The following MGLL variants were observed in gnomAD, a reference collection of about 807,000 sequenced individuals.
MGLL encodes monoglyceride lipase, also known as lysophospholipase homolog.
In MGLL, 7 loss-of-function variants were observed where a neutral mutation model predicts 29.1. That is an observed-to-expected ratio of 0.24 (90% CI 0.14 to 0.45). The LOEUF is 0.45. Among genes scored for constraint, MGLL ranks in the 20% least tolerant of loss-of-function variants. The probability of loss-of-function intolerance (pLI) is 0.99; values close to 1 mark genes in which losing one functional copy is unlikely to be tolerated. For synonymous variants in MGLL, 148 were observed against 168.3 expected, an observed-to-expected ratio of 0.88 and a Z score of 0.93; for missense variants, 356 against 413.6, an observed-to-expected ratio of 0.86 and a Z score of 1.21.
chr3:127,745,179 G>C (rs1007743513), intron 3 of MGLL, among the ~76,000 whole-genome samples: 1 of 152,222 alleles, frequency 6.6e-6, no homozygotes, highest in Admixed American at 6.5e-5. Flanking sequence ...TTACTGAGTG[G>C]ATTGCTGAAA....
At chr3:127,779,285 T>G (rs1223850406) in intron 3 of MGLL, among the ~76,000 whole-genome samples, 1 of 152,110 alleles carries the variant, frequency 6.6e-6, no homozygotes, top group Non-Finnish European at 1.5e-5. Context: ...GATAATCGCT[T>G]GAACCCGGGA....
chr3:127,759,546 T>C (rs1388383023), intron 3 of MGLL, among the ~76,000 whole-genome samples: 1 of 152,252 alleles, frequency 6.6e-6, no homozygotes, highest in Non-Finnish European at 1.5e-5. Context: ...GCTGTGGGCA[T>C]GTTCTCATGT....
intron 3 of MGLL, among the ~76,000 whole-genome samples, chr3:127,773,162 T>C (rs969921028): frequency 6.6e-6 from 1 of 152,186 alleles, no homozygotes; most frequent in African/African-American, 2.4e-5. Flanking sequence ...ACTGTGAGGT[T>C]CTGTGCTTGT....
At chr3:127,741,212 G>A (rs2107655020) in intron 3 of MGLL, among the ~76,000 whole-genome samples, 2 of 152,356 alleles carry the variant, frequency 1.3e-5, no homozygotes, top group South Asian at 4.1e-4. Flanking sequence ...TAGCACCTAG[G>A]ATGTGACATC....
intron 3 of MGLL, among the ~76,000 whole-genome samples, chr3:127,734,397 C>T (rs866145286): frequency 6.6e-6 from 1 of 152,210 alleles, no homozygotes; most frequent in Non-Finnish European, 1.5e-5. Context: ...CGCCCACTGC[C>T]TCTCCCATCA....
chr3:127,745,329 A>G (rs1013248910), intron 3 of MGLL, among the ~76,000 whole-genome samples: 1 of 152,266 alleles, frequency 6.6e-6, no homozygotes, highest in Non-Finnish European at 1.5e-5. Flanking sequence ...TGGATAAAGA[A>G]AATGTGGTGC....
intron 2 of MGLL, among the ~76,000 whole-genome samples, chr3:127,796,126 G>C (rs908636436): frequency 6.6e-6 from 1 of 152,144 alleles, no homozygotes; most frequent in African/African-American, 2.4e-5. Context: ...CCCAGAAGTT[G>C]GGAGGTATCT....
At chr3:127,738,795 A>G (rs929834815) in intron 3 of MGLL, among the ~76,000 whole-genome samples, 1 of 152,144 alleles carries the variant, frequency 6.6e-6, no homozygotes, top group Non-Finnish European at 1.5e-5. Flanking sequence ...TGACAGTGTG[A>G]CTGTATAAAG....
rs760581627 is a variant in MGLL at position 127,706,216 on chromosome 3, C to T, written c.600+4360G>A. On this transcript the variant is annotated intron_variant, in intron 6 of 7. Coordinates refer to ENST00000265052, the MANE Select transcript of MGLL (RefSeq NM_007283.7). The stretch of plus-strand genomic sequence containing the variant: ...GAGCTTTGCCCAGGCTATGTTCCCA[C>T]GGAAGCCCAACTGAGCCCACATCTT... 3.9e-5 allele frequency among the ~76,000 whole-genome samples: 6 copies of T among 152,294 alleles called. No homozygotes were observed. The East Asian group carries it at 5.8e-4, about 15-fold the overall frequency.
intron 2 of MGLL, among the ~76,000 whole-genome samples, chr3:127,813,141 G>GT (rs1213374328): frequency 6.6e-6 from 1 of 152,152 alleles, no homozygotes; most frequent in Non-Finnish European, 1.5e-5. Context: ...CGCCTGTGCA[G>GT]TTTTTTTGTG....
chr3:127,748,799 T>C (rs1038056967), intron 3 of MGLL, among the ~76,000 whole-genome samples: 6 of 152,218 alleles, frequency 3.9e-5, no homozygotes, highest in Non-Finnish European at 8.8e-5. Context: ...AGCGGACTCA[T>C]ACACATAGCA....
intron 3 of MGLL, among the ~76,000 whole-genome samples, chr3:127,726,352 G>A (rs960769307): frequency 2.0e-5 from 3 of 149,562 alleles, no homozygotes; most frequent in East Asian, 2.0e-4. Flanking sequence ...AAAGAAAGAA[G>A]GAAAAGAATG....
intron 6 of MGLL, among the ~76,000 whole-genome samples, chr3:127,707,419 A>G (rs2075624955): frequency 6.6e-6 from 1 of 152,262 alleles, no homozygotes; most frequent in South Asian, 2.1e-4. Context: ...CAGAGTAGGA[A>G]GGGATTCATC....
chr3:127,722,613 C>T, intron 3 of MGLL, 47 bp from the exon 4 acceptor site: 1 of 1,613,694 alleles, frequency 6.2e-7, no homozygotes, highest in East Asian at 2.2e-5. Context: ...ACCAGGTCGA[C>T]TCCTACACAA....
intron 3 of MGLL, among the ~76,000 whole-genome samples, chr3:127,757,187 G>C (rs1309899159): frequency 6.6e-6 from 1 of 152,196 alleles, no homozygotes; most frequent in Non-Finnish European, 1.5e-5. Context: ...CAGACATGTG[G>C]AGAGAGCCGA....
chr3:127,758,318 T>C (rs1230478301), intron 3 of MGLL, among the ~76,000 whole-genome samples: 2 of 152,218 alleles, frequency 1.3e-5, no homozygotes, highest in Non-Finnish European at 2.9e-5. Context: ...CCTAAAGTCA[T>C]TTATTGCTGC....
At chr3:127,816,886 A>G (rs1291716350) in intron 2 of MGLL, among the ~76,000 whole-genome samples, 1 of 152,252 alleles carries the variant, frequency 6.6e-6, no homozygotes, top group East Asian at 1.9e-4. Flanking sequence ...GGACTTGGGC[A>G]GGTTCCAGAA....
intron 2 of MGLL, among the ~76,000 whole-genome samples, chr3:127,787,282 G>A (rs980843989): frequency 7.9e-5 from 12 of 152,336 alleles, no homozygotes; most frequent in African/African-American, 2.9e-4. Flanking sequence ...TGAAGGGGCC[G>A]GCCTGTTCTG....
chr3:127,739,623 G>A (rs981001673), intron 3 of MGLL, among the ~76,000 whole-genome samples: 4 of 152,164 alleles, frequency 2.6e-5, no homozygotes, highest in Admixed American at 6.5e-5. Flanking sequence ...TGGCTCATAC[G>A]TGATATCAAA....
Sources: gnomAD v4.1 joint callset for allele counts (sites outside exome capture counted in the v4.1 genomes callset) on GRCh38, gnomAD v4.1.1 for gene constraint, MANE v1.5 for transcripts, NCBI Gene and HGNC (gene_info 2026-07-23, HGNC 2026-07-21) for gene names.